The following CD96 variants were observed in gnomAD, a reference collection of about 807,000 sequenced individuals.
CD96 encodes the protein T-cell surface protein tactile.
CD96 carries 70 observed loss-of-function variants against 71.3 expected under a neutral mutation model. The observed-to-expected ratio is 0.98, with a 90% CI of 0.81 to 1.20. The LOEUF (loss-of-function observed/expected upper bound fraction) is 1.20. CD96 is among the 50% of genes most tolerant of loss of function. CD96 has a pLI of 0.00. For synonymous variants in CD96, 248 were observed against 233.0 expected (o/e 1.06, Z -0.59); for missense variants, 742 against 677.5 (o/e 1.10, Z -1.06).
chr3:111,612,153 G>A (rs1281848823), intron 8 of CD96, among the ~76,000 whole-genome samples: 3 of 152,182 alleles, frequency 2.0e-5, no homozygotes, highest in Non-Finnish European at 4.4e-5. Flanking sequence ...CAGCAGTTAT[G>A]TATATGGTAG....
intron 2 of CD96, among the ~76,000 whole-genome samples, chr3:111,567,139 T>C (rs1935753452): frequency 6.6e-6 from 1 of 152,052 alleles, no homozygotes; most frequent in Admixed American, 6.6e-5. Flanking sequence ...CTAAAACTAC[T>C]CCAAAAAATA....
At chr3:111,629,332 A>G (rs1036634839) in intron 10 of CD96, among the ~76,000 whole-genome samples, 2 of 152,222 alleles carry the variant, frequency 1.3e-5, no homozygotes, top group African/African-American at 4.8e-5. Flanking sequence ...TGCCAAACAA[A>G]TGGAAAACAG....
intron 5 of CD96, among the ~76,000 whole-genome samples, chr3:111,596,944 G>A (rs1356766198): frequency 6.6e-5 from 10 of 152,124 alleles, no homozygotes; most frequent in Non-Finnish European, 1.5e-5. Flanking sequence ...TGTTTCATTG[G>A]GATTTCTGTA....
At chr3:111,648,631 A>C (rs2107790417) in intron 13 of CD96, among the ~76,000 whole-genome samples, 1 of 152,328 alleles carries the variant, frequency 6.6e-6, no homozygotes, top group East Asian at 1.9e-4. Flanking sequence ...GGGATTAGAG[A>C]GCTTTATATT....
chr3:111,572,350 A>C (rs556349278), intron 3 of CD96, among the ~76,000 whole-genome samples: 1 of 152,284 alleles, frequency 6.6e-6, no homozygotes, highest in East Asian at 1.9e-4. Flanking sequence ...TTCATTTTGA[A>C]CTTGCTCTCA....
downstream of CD96, among the ~76,000 whole-genome samples, chr3:111,653,738 C>G (rs1466181316): frequency 6.6e-6 from 1 of 152,076 alleles, no homozygotes; most frequent in Non-Finnish European, 1.5e-5. Flanking sequence ...TAGACAAGAG[C>G]TGCTGCTTTG....
downstream of CD96, among the ~76,000 whole-genome samples, chr3:111,656,511 A>G (rs999334652): frequency 1.3e-5 from 2 of 152,236 alleles, no homozygotes; most frequent in African/African-American, 4.8e-5. Context: ...TCAGGAATTC[A>G]CCATGAAACT....
intron 14 of CD96, among the ~76,000 whole-genome samples, chr3:111,658,248 T>C (rs1238785994): frequency 6.6e-6 from 1 of 152,136 alleles, no homozygotes; most frequent in African/African-American, 2.4e-5. Flanking sequence ...TGACTATCGA[T>C]ATAGTTAAGT....
chr3:111,572,164 G>T (rs1291384774), intron 3 of CD96, among the ~76,000 whole-genome samples: 1 of 152,152 alleles, frequency 6.6e-6, no homozygotes, highest in Admixed American at 6.5e-5. Context: ...ACATCGGGAG[G>T]ACCACCCCGA....
At chr3:111,663,281 C>T (rs1471935948) in intron 14 of CD96, among the ~76,000 whole-genome samples, 1 of 152,214 alleles carries the variant, frequency 6.6e-6, no homozygotes, top group African/African-American at 2.4e-5. Context: ...AAGCACCTCC[C>T]ACCAGATCTC....
chr3:111,604,648 T>C (rs1019176938), intron 7 of CD96, among the ~76,000 whole-genome samples: 2 of 152,218 alleles, frequency 1.3e-5, no homozygotes, highest in Non-Finnish European at 2.9e-5. Context: ...TGATGAAATA[T>C]GGCAGAAAAG....
At chr3:111,558,601 C>T (rs1397464169) in intron 2 of CD96, among the ~76,000 whole-genome samples, 5 of 125,436 alleles carry the variant, frequency 4.0e-5, no homozygotes, top group Non-Finnish European at 5.0e-5. Context: ...CTGCTGGATT[C>T]GGTTTGCCAG....
At chr3:111,636,029 T>A (rs1939310621) in intron 10 of CD96, among the ~76,000 whole-genome samples, 1 of 152,228 alleles carries the variant, frequency 6.6e-6, no homozygotes, top group Admixed American at 6.5e-5. Flanking sequence ...TCCATCATCA[T>A]CAATAGACCT....
intron 6 of CD96, among the ~76,000 whole-genome samples, chr3:111,600,027 G>A (rs781678913): frequency 6.6e-6 from 1 of 152,226 alleles, no homozygotes; most frequent in African/African-American, 2.4e-5. Flanking sequence ...AACAGAGTTT[G>A]ATTTCTAAAG....
In CD96 at chr3:111,588,953, T is replaced by C. The variant is rs572746532; in HGVS notation, c.807+3575T>C. 9.5e-3 allele frequency among the ~76,000 whole-genome samples: 1,414 copies of C among 148,698 alleles called. 22 individuals are homozygous for C. Among genetic ancestry groups the C allele is most frequent in the African/African-American group, 0.034 (1,332 of 39,426 alleles). On this transcript the variant is annotated intron_variant, in intron 5 of 13. Coordinates refer to ENST00000352690, the MANE Select transcript of CD96 (RefSeq NM_005816.5). ...GTAGGTGTTTTTGTTTCTTTTTTTT[T>C]CTTTTTTTTTTTTTTTGAGATGAGT...
chr3:111,642,816 T>A (rs1258666767), intron 12 of CD96, among the ~76,000 whole-genome samples: 2 of 150,280 alleles, frequency 1.3e-5, no homozygotes, highest in African/African-American at 2.4e-5. Context: ...AAAAAAAAAA[T>A]AAATAAATAA....
chr3:111,593,988 G>T (rs776334608), intron 5 of CD96: 14 of 1,614,058 alleles, frequency 8.7e-6, no homozygotes, highest in Non-Finnish European at 1.2e-5. Flanking sequence ...TACTGGTTGG[G>T]ATGGTGCCCA....
At chr3:111,644,504 A>C (rs1288483077) in intron 12 of CD96, among the ~76,000 whole-genome samples, 2 of 152,152 alleles carry the variant, frequency 1.3e-5, no homozygotes, top group African/African-American at 4.8e-5. Context: ...TAAAAAGCAA[A>C]TGCAATAAAA....
chr3:111,579,659 A>C (rs866711900), intron 4 of CD96, among the ~76,000 whole-genome samples: 3 of 152,178 alleles, frequency 2.0e-5, no homozygotes, highest in Non-Finnish European at 4.4e-5. Flanking sequence ...GCGAGGGGAC[A>C]GAGTTTGCTA....
Sources: gnomAD v4.1 joint callset for allele counts (sites outside exome capture counted in the v4.1 genomes callset) on GRCh38, gnomAD v4.1.1 for gene constraint, MANE v1.5 for transcripts, NCBI Gene and HGNC (gene_info 2026-07-23, HGNC 2026-07-21) for gene names.